Variants in WWOX observed in about 807,000 individuals in gnomAD.
The protein encoded by WWOX is WW domain containing oxidoreductase.
Under a neutral mutation model 46.2 loss-of-function variants are expected in WWOX, and 69 were observed. The observed-to-expected ratio is 1.49, with a 90% CI of 1.23 to 1.82. The LOEUF is 1.82. WWOX is among the 40% of genes most tolerant of loss of function. The pLI is 0.00. For missense variants in WWOX, 919 were observed against 542.6 expected (o/e 1.69, Z -6.89); for synonymous variants, 359 against 202.6 (o/e 1.77, Z -6.56).
chr16:78,218,445 C>G (rs189273568), intron 5 of WWOX, among the ~76,000 whole-genome samples: 39 of 152,130 alleles, frequency 2.6e-4, no homozygotes, highest in African/African-American at 8.0e-4. Context: ...TGATGTAACT[C>G]TATAGGACTA....
rs559300667 is a variant in WWOX, at chr16:78,409,829, C to G, written c.606-15041C>G. 4.3e-4 allele frequency among the ~76,000 whole-genome samples: 65 copies of G among 152,302 alleles called. No individual in the cohort carries two copies. In the South Asian group the frequency reaches 0.013, roughly 32 times the overall value. The stretch of plus-strand genomic sequence containing the variant: ...AAACCAGCACTGTTGCATCTCTGAC[C>G]TTAGCCCTGTAGTCCCATTTCCCTC... On this transcript the variant is annotated intron_variant, in intron 6 of 8. Coordinates refer to ENST00000566780, the MANE Select transcript of WWOX (RefSeq NM_016373.4).
At position 78,645,034 on chromosome 16, in the gene WWOX, C is replaced by T. The variant is rs111837280; in HGVS notation, c.1056+212282C>T. Among the ~76,000 whole-genome samples, 437 of 152,254 alleles carry T rather than the reference C, an allele frequency of 2.9e-3. 2 individuals are homozygous for T. The highest frequency in any genetic ancestry group is 0.01 in the African/African-American group (422 of 41,546). ...AAATCATTAAATAGTGCTTTCTTTTCTTCAAAAGTTGGGTTGCATTGCATA... is the reference window on the plus strand; with the variant it reads ...AAATCATTAAATAGTGCTTTCTTTTTTTCAAAAGTTGGGTTGCATTGCATA... On this transcript the variant is annotated intron_variant, in intron 8 of 8. Transcript: ENST00000566780.
intron 8 of WWOX, among the ~76,000 whole-genome samples, chr16:78,519,454 C>G (rs1352315324): frequency 2.0e-5 from 3 of 151,748 alleles, no homozygotes; most frequent in Admixed American, 6.6e-5. Flanking sequence ...GTGTTTCCTT[C>G]TAATTTTTTT....
At chr16:78,545,127 G>C (rs538100442) in intron 8 of WWOX, among the ~76,000 whole-genome samples, 1 of 152,190 alleles carries the variant, frequency 6.6e-6, no homozygotes, top group Non-Finnish European at 1.5e-5. Context: ...CCCACATTCT[G>C]ATTCCCTCAG....
At chr16:78,357,460 C>T (rs1355872298) in intron 5 of WWOX, among the ~76,000 whole-genome samples, 1 of 152,156 alleles carries the variant, frequency 6.6e-6, no homozygotes, top group Admixed American at 6.5e-5. Context: ...TTGATTGAAT[C>T]AACCACTTGG....
chr16:78,931,916 A>G (rs551631429), intron 8 of WWOX, among the ~76,000 whole-genome samples: 1 of 152,348 alleles, frequency 6.6e-6, no homozygotes, highest in Admixed American at 6.5e-5. Context: ...TTGTTATGAT[A>G]GTGAATAAGT....
intron 8 of WWOX, among the ~76,000 whole-genome samples, chr16:78,791,078 A>C (rs1004956789): frequency 1.3e-5 from 2 of 151,768 alleles, no homozygotes; most frequent in Non-Finnish European, 2.9e-5. Context: ...TCTTCATCAG[A>C]AGCCTCCACA....
chr16:78,284,171 T>C lies in WWOX; in HGVS notation c.517-102689T>C, dbSNP rs8044017. ...TTTGTAGGGTCACTGGTTTAAGGGG[T>C]TGGACAACCCGTTCCCATCTGATTT... On this transcript the variant is annotated intron_variant, in intron 5 of 8. Coordinates refer to ENST00000566780, the MANE Select transcript of WWOX (RefSeq NM_016373.4). 8.8e-3 allele frequency among the ~76,000 whole-genome samples: 1,342 copies of C among 152,174 alleles called. 31 individuals are homozygous for C. Among genetic ancestry groups the C allele is most frequent in the African/African-American group, 0.031 (1,290 of 41,506 alleles).
At chr16:78,417,689 T>A (rs970329161) in intron 6 of WWOX, among the ~76,000 whole-genome samples, 22 of 152,190 alleles carry the variant, frequency 1.4e-4, no homozygotes, top group African/African-American at 4.3e-4. Context: ...TGCTACAAAT[T>A]AGTAGATTCT....
chr16:78,318,435 G>A (rs1289526006), intron 5 of WWOX, among the ~76,000 whole-genome samples: 1 of 151,974 alleles, frequency 6.6e-6, no homozygotes, highest in African/African-American at 2.4e-5. Flanking sequence ...GCGCAATTCT[G>A]TCAAAAATAA....
chr16:78,752,467 T>C (rs2049508288), intron 8 of WWOX, among the ~76,000 whole-genome samples: 2 of 152,200 alleles, frequency 1.3e-5, no homozygotes, highest in Non-Finnish European at 2.9e-5. Flanking sequence ...TTTGTATTTT[T>C]AGTAGACACG....
In WWOX at chr16:78,543,170, A is replaced by C. The variant is rs117277950; in HGVS notation, c.1056+110418A>C. On this transcript the variant is annotated intron_variant, in intron 8 of 8. Transcript: ENST00000566780. ...CCGGACTTATAGAGTCTGTGATCTC[A>C]CAGCTGCTACATCTGGCACAGATGG... is the stretch of plus-strand genomic sequence containing the variant. Among the ~76,000 whole-genome samples the C allele has an allele frequency of 1.3e-3, 198 of 152,318 alleles. 3 individuals are homozygous for C. In the East Asian group the frequency reaches 0.037, roughly 28 times the overall value.
intron 5 of WWOX, among the ~76,000 whole-genome samples, chr16:78,384,964 T>A (rs892654279): frequency 1.3e-5 from 2 of 152,060 alleles, no homozygotes; most frequent in African/African-American, 4.8e-5. Flanking sequence ...TGAAACCCCG[T>A]CTGTACTGAA....
At chr16:78,827,048 A>G (rs1276870586) in intron 8 of WWOX, among the ~76,000 whole-genome samples, 4 of 152,084 alleles carry the variant, frequency 2.6e-5, no homozygotes, top group Non-Finnish European at 5.9e-5. Flanking sequence ...TAGATGGTGC[A>G]AGGGAACCAG....
chr16:79,135,533 C>T (rs2049966652), intron 8 of WWOX, among the ~76,000 whole-genome samples: 1 of 152,144 alleles, frequency 6.6e-6, no homozygotes, highest in African/African-American at 2.4e-5. Flanking sequence ...TTATAAGTTG[C>T]ATTTCAGCTT....
chr16:79,052,077 T>C (rs1050039166), intron 8 of WWOX, among the ~76,000 whole-genome samples: 1 of 151,612 alleles, frequency 6.6e-6, no homozygotes, highest in Non-Finnish European at 1.5e-5. Flanking sequence ...TTAGGGTACA[T>C]GTGCACGTTG....
intron 8 of WWOX, among the ~76,000 whole-genome samples, chr16:78,930,657 G>T (rs921079966): frequency 6.7e-6 from 1 of 149,430 alleles, no homozygotes; most frequent in Non-Finnish European, 1.5e-5. Flanking sequence ...TGGGTTTCCT[G>T]TTAATTGCAG....
At chr16:78,258,671 G>A (rs147612927) in intron 5 of WWOX, among the ~76,000 whole-genome samples, 7 of 120,628 alleles carry the variant, frequency 5.8e-5, no homozygotes, top group African/African-American at 9.8e-5. Context: ...TTATGTGTTC[G>A]TTCGACAGTT....
intron 8 of WWOX, among the ~76,000 whole-genome samples, chr16:78,962,049 T>C (rs1260403072): frequency 2.6e-5 from 4 of 152,212 alleles, no homozygotes; most frequent in South Asian, 2.1e-4. Context: ...ATGTGACTTC[T>C]ACCTATGATC....
Sources: allele counts gnomAD v4.1 joint callset (sites outside exome capture counted in the v4.1 genomes callset), GRCh38; gene constraint gnomAD v4.1.1; transcripts MANE v1.5; gene names NCBI Gene and HGNC (gene_info 2026-07-23, HGNC 2026-07-21).